Variants in CSMD3 observed in about 807,000 individuals in gnomAD.
CSMD3 encodes the protein CUB and Sushi multiple domains 3.
Under a neutral mutation model 435.2 loss-of-function variants are expected in CSMD3, and 177 were observed. The observed-to-expected ratio is 0.41, with a 90% CI of 0.36 to 0.46. The LOEUF is 0.46. Ranked by LOEUF, CSMD3 falls within the 20% of genes least tolerant of loss-of-function variation. The probability of loss-of-function intolerance (pLI) is 0.34; values close to 1 mark genes in which losing one functional copy is unlikely to be tolerated. For synonymous variants in CSMD3, 1,656 were observed against 1,520.5 expected (o/e 1.09, Z -2.07); for missense variants, 4,265 against 4,504.6 (o/e 0.95, Z 1.52).
chr8:113,152,572 A>G (rs550839703), intron 4 of CSMD3, among the ~76,000 whole-genome samples: 4 of 152,200 alleles, frequency 2.6e-5, no homozygotes, highest in African/African-American at 9.6e-5. Flanking sequence ...ATTAACAACA[A>G]TGATATAAAA....
At chr8:113,152,507 C>A (rs954412188) in intron 4 of CSMD3, among the ~76,000 whole-genome samples, 1 of 151,908 alleles carries the variant, frequency 6.6e-6, no homozygotes, top group Non-Finnish European at 1.5e-5. Flanking sequence ...TGACAATGTT[C>A]CAGGAGTAAG....
intron 25 of CSMD3, among the ~76,000 whole-genome samples, 193 bp downstream of exon 25, chr8:112,556,570 T>C (rs1828136954): frequency 6.6e-6 from 1 of 151,966 alleles, no homozygotes; most frequent in Non-Finnish European, 1.5e-5. Context: ...ATGGGAGGAA[T>C]AATGAATAAA....
chr8:112,739,950 T>A (rs902329772), intron 13 of CSMD3, among the ~76,000 whole-genome samples: 4 of 151,828 alleles, frequency 2.6e-5, no homozygotes, highest in Non-Finnish European at 5.9e-5. Context: ...TATAAGGAAA[T>A]GTGATACCAC....
chr8:112,480,841 C>T (rs1819564326), intron 31 of CSMD3, among the ~76,000 whole-genome samples: 1 of 152,156 alleles, frequency 6.6e-6, no homozygotes, highest in African/African-American at 2.4e-5. Flanking sequence ...AATACACATG[C>T]TAATATCTTA....
chr8:112,885,651 A>T (rs2081568982), intron 10 of CSMD3, among the ~76,000 whole-genome samples: 2 of 151,750 alleles, frequency 1.3e-5, no homozygotes, highest in Non-Finnish European at 2.9e-5. Flanking sequence ...AACCACAATT[A>T]ATGACAATGA....
chr8:113,296,000 A>G (rs2132554414), intron 2 of CSMD3, among the ~76,000 whole-genome samples: 1 of 152,204 alleles, frequency 6.6e-6, no homozygotes. Context: ...CTTTGTAGGG[A>G]CATGGATGAA....
At chr8:112,505,256 C>A (rs535838865) in intron 29 of CSMD3, among the ~76,000 whole-genome samples, 11 of 152,250 alleles carry the variant, frequency 7.2e-5, no homozygotes, top group Non-Finnish European at 1.5e-4. Context: ...AGCTTCAACA[C>A]TTAGTTCAAT....
rs375391066 is a variant in CSMD3, at chr8:112,645,251, G to A, written c.3194-26C>T. ...CTGAAATACAAAGAAACAGATCCAT[G>A]TGATCAGCAGTGAGAGAGACAGAGG... On this transcript the variant is annotated intron_variant, in intron 19 of 70. Coordinates refer to ENST00000297405, the MANE Select transcript of CSMD3 (RefSeq NM_198123.2). 10 of 1,154,056 alleles carry A rather than the reference G, an allele frequency of 8.7e-6. No individual in the cohort carries two copies. The Admixed American group carries it at 1.5e-4, about 17-fold the overall frequency. 71.5% of individuals were successfully genotyped at this position (1,154,056 alleles called of 1,614,324 possible).
At chr8:113,253,451 G>T (rs1248345569) in intron 3 of CSMD3, among the ~76,000 whole-genome samples, 1 of 151,544 alleles carries the variant, frequency 6.6e-6, no homozygotes, top group Non-Finnish European at 1.5e-5. Flanking sequence ...ATTACAAATT[G>T]ACTTTTTAAA....
chr8:112,424,415 A>G (rs1270120303), intron 32 of CSMD3, among the ~76,000 whole-genome samples: 5 of 152,176 alleles, frequency 3.3e-5, no homozygotes, highest in Non-Finnish European at 7.3e-5. Context: ...AATTATTTGC[A>G]CATGTGACTT....
intron 32 of CSMD3, among the ~76,000 whole-genome samples, chr8:112,442,183 G>A (rs1033365153): frequency 2.0e-5 from 3 of 152,118 alleles, no homozygotes; most frequent in African/African-American, 4.8e-5. Flanking sequence ...CAACCATGTC[G>A]AGTGTGAACT....
intron 27 of CSMD3, among the ~76,000 whole-genome samples, chr8:112,538,640 T>C (rs1311627466): frequency 1.3e-5 from 2 of 151,968 alleles, no homozygotes; most frequent in Admixed American, 1.3e-4. Context: ...TAAATTTAAC[T>C]AAAGGAGTGA....
chr8:113,150,171 T>C (rs1490142189), intron 4 of CSMD3, among the ~76,000 whole-genome samples: 1 of 151,944 alleles, frequency 6.6e-6, no homozygotes, highest in Admixed American at 6.6e-5. Context: ...ACTCCTTGAG[T>C]GTGAGAAGAG....
intron 13 of CSMD3, among the ~76,000 whole-genome samples, chr8:112,707,909 CTTAT>C (rs2076533280): frequency 6.6e-6 from 1 of 151,960 alleles, no homozygotes; most frequent in South Asian, 2.1e-4. Flanking sequence ...GATGTTTGGC[CTTAT>C]TTATTTAACA....
intron 4 of CSMD3, among the ~76,000 whole-genome samples, chr8:113,105,606 T>C (rs1010112518): frequency 1.3e-5 from 2 of 152,146 alleles, no homozygotes; most frequent in Admixed American, 6.5e-5. Context: ...CTGAGATTTG[T>C]TCAGGTACCA....
intron 24 of CSMD3, among the ~76,000 whole-genome samples, chr8:112,566,376 A>C (rs1829065393): frequency 6.6e-6 from 1 of 151,980 alleles, no homozygotes; most frequent in African/African-American, 2.4e-5. Context: ...GATAAATGTT[A>C]GCTGTTGTTA....
chr8:113,101,142 A>T (rs186167338), intron 4 of CSMD3, among the ~76,000 whole-genome samples: 10 of 152,274 alleles, frequency 6.6e-5, no homozygotes, highest in Non-Finnish European at 1.2e-4. Context: ...AGGCCCTTTC[A>T]TGGGCTCCAC....
At position 112,947,494 on chromosome 8, in the gene CSMD3, T is replaced by C. The variant is rs143626571; in HGVS notation, c.1508+296A>G. On this transcript the variant is annotated intron_variant, in intron 9 of 70. Coordinates refer to ENST00000297405, the MANE Select transcript of CSMD3 (RefSeq NM_198123.2). The stretch of plus-strand genomic sequence containing the variant: ...AACTTACCCAAGATCAGACAACTAA[T>C]AAGTAGCAAAACTGGAACTCAAAGT... Among the ~76,000 whole-genome samples the C allele has an allele frequency of 6.2e-3, 935 of 151,640 alleles. 7 individuals carry two copies. Among genetic ancestry groups the C allele is most frequent in the African/African-American group, 0.02 (838 of 41,468 alleles).
chr8:112,415,808 T>G (rs1289352528), intron 32 of CSMD3, among the ~76,000 whole-genome samples: 2 of 152,228 alleles, frequency 1.3e-5, no homozygotes, highest in East Asian at 3.9e-4. Flanking sequence ...TAAGGCTTAA[T>G]GACTGCTCTA....
Sources: gnomAD v4.1 joint callset for allele counts (sites outside exome capture counted in the v4.1 genomes callset) on GRCh38, gnomAD v4.1.1 for gene constraint, MANE v1.5 for transcripts, NCBI Gene and HGNC (gene_info 2026-07-23, HGNC 2026-07-21) for gene names.